Variants in HS3ST5 observed in about 807,000 individuals in gnomAD.
The protein encoded by HS3ST5 is heparan sulfate glucosamine 3-O-sulfotransferase 5.
Under a neutral mutation model 25.4 loss-of-function variants are expected in HS3ST5, and 10 were observed. The ratio of observed to expected loss-of-function variants is 0.39; its 90% confidence interval spans 0.24 to 0.67. The LOEUF is 0.67. Among genes scored for constraint, HS3ST5 ranks in the 30% least tolerant of loss-of-function variants. The pLI is 0.44. For missense variants in HS3ST5, 324 were observed against 420.7 expected (o/e 0.77, Z 2.01); for synonymous variants, 170 against 162.4 (o/e 1.05, Z -0.36).
intron 1 of HS3ST5, among the ~76,000 whole-genome samples, chr6:114,312,930 G>A (rs1387951398): frequency 6.7e-6 from 1 of 149,802 alleles, no homozygotes; most frequent in African/African-American, 2.5e-5. Flanking sequence ...AGGCTGAGGT[G>A]GGAAGATCAC....
At chr6:114,116,286 G>A (rs1055267396) in intron 3 of HS3ST5, 5 of 151,936 alleles carry the variant, frequency 3.3e-5, no homozygotes, top group Admixed American at 2.0e-4. Context: ...TATTCCAAAA[G>A]GAATACAATT....
chr6:114,296,788 T>C (rs1013047157), intron 1 of HS3ST5, among the ~76,000 whole-genome samples: 4 of 152,080 alleles, frequency 2.6e-5, no homozygotes, highest in Admixed American at 1.3e-4. Flanking sequence ...ACAATGTAAA[T>C]GAAAGCTCCT....
At chr6:114,261,054 C>T (rs1028936285) in intron 1 of HS3ST5, among the ~76,000 whole-genome samples, 1 of 152,104 alleles carries the variant, frequency 6.6e-6, no homozygotes, top group Non-Finnish European at 1.5e-5. Flanking sequence ...GCTATCTGAG[C>T]AACTCATCGA....
intron 3 of HS3ST5, among the ~76,000 whole-genome samples, chr6:114,134,691 C>T (rs1459466750): frequency 6.6e-6 from 1 of 152,176 alleles, no homozygotes; most frequent in Non-Finnish European, 1.5e-5. Context: ...TTCTAGTGTG[C>T]AACAAGGGCT....
intron 3 of HS3ST5, among the ~76,000 whole-genome samples, chr6:114,160,044 T>A (rs1050036618): frequency 2.6e-4 from 40 of 152,168 alleles, no homozygotes; most frequent in African/African-American, 8.0e-4. Context: ...TAAAGCTGCA[T>A]TGCATTTTTA....
intron 3 of HS3ST5, among the ~76,000 whole-genome samples, chr6:114,154,888 C>T (rs1441193184): frequency 1.3e-5 from 2 of 152,178 alleles, no homozygotes; most frequent in Non-Finnish European, 2.9e-5. Flanking sequence ...CCTCTCTCCT[C>T]CCATCATCTG....
chr6:114,199,000 C>A (rs2114354282), intron 2 of HS3ST5, among the ~76,000 whole-genome samples: 1 of 152,120 alleles, frequency 6.6e-6, no homozygotes, highest in Middle Eastern at 3.4e-3. Flanking sequence ...TAAAATATCA[C>A]ATATGATTTT....
intron 3 of HS3ST5, among the ~76,000 whole-genome samples, chr6:114,132,666 G>A (rs1389031059): frequency 6.6e-6 from 1 of 152,190 alleles, no homozygotes; most frequent in African/African-American, 2.4e-5. Context: ...AGGGGGGAAA[G>A]GGCAGGCTTA....
At chr6:114,132,573 G>A in intron 3 of HS3ST5, among the ~76,000 whole-genome samples, 1 of 152,140 alleles carries the variant, frequency 6.6e-6, no homozygotes, top group South Asian at 2.1e-4. Context: ...TAATCTAAGA[G>A]CAACAGCAAA....
chr6:114,083,234 G>T (rs1387645447), intron 3 of HS3ST5, among the ~76,000 whole-genome samples: 1 of 152,166 alleles, frequency 6.6e-6, no homozygotes, highest in Admixed American at 6.5e-5. Context: ...ACAAGAAGGG[G>T]CTTGGTCAAT....
intron 3 of HS3ST5, among the ~76,000 whole-genome samples, chr6:114,111,546 C>A (rs867840714): frequency 6.6e-6 from 1 of 152,150 alleles, no homozygotes; most frequent in Non-Finnish European, 1.5e-5. Flanking sequence ...TGACAGAACT[C>A]CCTCTCTATG....
chr6:114,114,501 AC>A (rs1410660576), intron 3 of HS3ST5, among the ~76,000 whole-genome samples: 3 of 152,146 alleles, frequency 2.0e-5, no homozygotes, highest in African/African-American at 7.2e-5. Flanking sequence ...GTGATCTCTT[AC>A]AGCATGATTT....
intron 1 of HS3ST5, among the ~76,000 whole-genome samples, chr6:114,270,507 A>G (rs760626478): frequency 2.8e-4 from 43 of 152,316 alleles, no homozygotes; most frequent in Non-Finnish European, 5.1e-4. Context: ...ATCCTAAAGT[A>G]CTGAAATAAA....
intron 3 of HS3ST5, among the ~76,000 whole-genome samples, chr6:114,163,856 G>C (rs191081983): frequency 2.0e-5 from 3 of 152,114 alleles, no homozygotes; most frequent in African/African-American, 7.2e-5. Flanking sequence ...TGGGCAGAGG[G>C]GTCTAAAAGA....
At chr6:114,151,862 A>G (rs1304031816) in intron 3 of HS3ST5, among the ~76,000 whole-genome samples, 1 of 152,212 alleles carries the variant, frequency 6.6e-6, no homozygotes, top group Non-Finnish European at 1.5e-5. Flanking sequence ...ACATTCAGCT[A>G]TGCTCTTATT....
intron 1 of HS3ST5, among the ~76,000 whole-genome samples, chr6:114,260,316 A>T (rs1773116185): frequency 6.6e-6 from 1 of 152,156 alleles, no homozygotes; most frequent in Non-Finnish European, 1.5e-5. Context: ...TTTAACACAC[A>T]TTTTCCTCAG....
intron 3 of HS3ST5, among the ~76,000 whole-genome samples, chr6:114,153,334 T>C (rs1198544154): frequency 6.6e-6 from 1 of 152,194 alleles, no homozygotes; most frequent in African/African-American, 2.4e-5. Context: ...CCCCATTAAA[T>C]AACAATAGGT....
At chr6:114,181,189 G>A (rs1779951869) in intron 2 of HS3ST5, among the ~76,000 whole-genome samples, 1 of 152,188 alleles carries the variant, frequency 6.6e-6, no homozygotes, top group African/African-American at 2.4e-5. Context: ...TAGCATTGCA[G>A]AGGAGAACAC....
chr6:114,118,971 G>A (rs1239152517), intron 3 of HS3ST5, among the ~76,000 whole-genome samples: 1 of 152,202 alleles, frequency 6.6e-6, no homozygotes, highest in Non-Finnish European at 1.5e-5. Context: ...CCCAAGCCAT[G>A]ATGGATATGT....
Sources: allele counts gnomAD v4.1 joint callset (sites outside exome capture counted in the v4.1 genomes callset), GRCh38; gene constraint gnomAD v4.1.1; transcripts MANE v1.5; gene names NCBI Gene and HGNC (gene_info 2026-07-23, HGNC 2026-07-21).